Variants in ABLIM1 observed in about 807,000 individuals in gnomAD.
ABLIM1 encodes actin-binding LIM protein 1.
A neutral mutation model predicts 107.0 loss-of-function variants in ABLIM1; 40 were observed. The observed-to-expected ratio is 0.37, with a 90% CI of 0.29 to 0.49. The LOEUF (loss-of-function observed/expected upper bound fraction) is 0.49. Among genes scored for constraint, ABLIM1 ranks in the 20% least tolerant of loss-of-function variants. The probability of loss-of-function intolerance (pLI) is 0.97; values close to 1 mark genes in which losing one functional copy is unlikely to be tolerated. For missense variants in ABLIM1, 857 were observed against 1,008.5 expected, an observed-to-expected ratio of 0.85 and a Z score of 2.04; for synonymous variants, 357 against 357.3, an observed-to-expected ratio of 1.00 and a Z score of 0.01.
chr10:114,522,725 C>T (rs190375352), intron 6 of ABLIM1, among the ~76,000 whole-genome samples: 5 of 152,304 alleles, frequency 3.3e-5, no homozygotes, highest in Admixed American at 2.0e-4. Flanking sequence ...CCAGGCTTGG[C>T]GAATAATAAA....
At chr10:114,642,751 G>C (rs890624040) in intron 1 of ABLIM1, among the ~76,000 whole-genome samples, 1 of 152,164 alleles carries the variant, frequency 6.6e-6, no homozygotes, top group Non-Finnish European at 1.5e-5. Context: ...CCTAGACTAA[G>C]GCTTCGAACT....
chr10:114,651,069 T>C (rs949127818), intron 1 of ABLIM1, among the ~76,000 whole-genome samples: 1 of 152,206 alleles, frequency 6.6e-6, no homozygotes, highest in African/African-American at 2.4e-5. Flanking sequence ...TCTGACCCCA[T>C]AACCCTGAAT....
chr10:114,438,824 G>A (rs1295373499), intron 21 of ABLIM1, among the ~76,000 whole-genome samples: 1 of 152,222 alleles, frequency 6.6e-6, no homozygotes, highest in Non-Finnish European at 1.5e-5. Context: ...TTGAAATGCA[G>A]GGCTTTCAAT....
In ABLIM1 at chr10:114,632,155, GC is replaced by G. The variant is rs1447227942; in HGVS notation, c.244+25801del. On this transcript the variant is annotated intron_variant, in intron 1 of 22. Transcript: ENST00000533213. ...TTCTCCGCCCGCCCGCCGAGCTGCAGCCGCGCCCAGCTCGGGGACTCTGCCC... is the reference window on the plus strand; with the variant it reads ...TTCTCCGCCCGCCCGCCGAGCTGCAGCGCGCCCAGCTCGGGGACTCTGCCC... 3 of 985,410 alleles carry G rather than the reference GC, an allele frequency of 3.0e-6. No homozygotes were observed. The East Asian group carries it at 3.4e-4, about 112-fold the overall frequency. 61.0% of individuals were successfully genotyped at this position (985,410 alleles called of 1,614,324 possible). A position where few individuals can be genotyped will look rare whatever the true frequency, so the allele number is the denominator to read the frequency against.
chr10:114,581,976 C>A (rs2073433896), intron 2 of ABLIM1, among the ~76,000 whole-genome samples: 1 of 152,066 alleles, frequency 6.6e-6, no homozygotes, highest in South Asian at 2.1e-4. Flanking sequence ...AACAAGGATG[C>A]CAACTCTCAC....
intron 1 of ABLIM1, among the ~76,000 whole-genome samples, chr10:114,704,185 T>C (rs1368564132): frequency 6.6e-6 from 1 of 151,294 alleles, no homozygotes; most frequent in East Asian, 1.9e-4. Flanking sequence ...GCCAACATAA[T>C]TTATTTGGCA....
At chr10:114,760,047 G>C (rs1404816377) in intron 1 of ABLIM1, among the ~76,000 whole-genome samples, 2 of 152,044 alleles carry the variant, frequency 1.3e-5, no homozygotes, top group East Asian at 3.9e-4. Context: ...AATCTTTACT[G>C]CAGAGGGCTC....
chr10:114,551,129 G>A (rs887276048), intron 4 of ABLIM1, among the ~76,000 whole-genome samples: 5 of 152,206 alleles, frequency 3.3e-5, no homozygotes, highest in African/African-American at 9.6e-5. Flanking sequence ...TCTGTAAAAT[G>A]CGGACAACAG....
Position 114,473,206 on chromosome 10 carries a change from CTGT to C in ABLIM1, c.1120-77_1120-75del, listed in dbSNP as rs896508851. ...TAGGAAACTGTAGTTGGCGCATTTC[CTGT>C]TGTTTAAAAAGTGAAGGCCTTAAAA... On this transcript the variant is annotated intron_variant, in intron 9 of 22. Transcript: ENST00000533213. The C allele has an allele frequency of 6.2e-6, 9 of 1,454,882 alleles. No homozygotes were observed. The African/African-American group carries it at 1.1e-4, about 18-fold the overall frequency. 90.1% of individuals were successfully genotyped at this position (1,454,882 alleles called of 1,614,324 possible). A position where few individuals can be genotyped will look rare whatever the true frequency, so the allele number is the denominator to read the frequency against.
chr10:114,548,634 C>A (rs1214701911), intron 4 of ABLIM1, among the ~76,000 whole-genome samples: 1 of 152,222 alleles, frequency 6.6e-6, no homozygotes, highest in African/African-American at 2.4e-5. Flanking sequence ...CATAATTAAT[C>A]TGATTATCGA....
intron 6 of ABLIM1, among the ~76,000 whole-genome samples, chr10:114,507,731 A>G (rs1161209977): frequency 6.6e-6 from 1 of 152,168 alleles, no homozygotes; most frequent in African/African-American, 2.4e-5. Context: ...GACTCAAGGG[A>G]GACAGCCCAA....
chr10:114,761,848 C>T (rs2082753012), intron 1 of ABLIM1, among the ~76,000 whole-genome samples: 1 of 152,138 alleles, frequency 6.6e-6, no homozygotes, highest in East Asian at 1.9e-4. Context: ...TCTTTTTTAC[C>T]TGGCTAAGTC....
intron 6 of ABLIM1, among the ~76,000 whole-genome samples, chr10:114,497,465 G>C (rs1399582853): frequency 6.6e-6 from 1 of 151,508 alleles, no homozygotes; most frequent in Non-Finnish European, 1.5e-5. Flanking sequence ...AGATCACGAG[G>C]TCAGGAGATC....
chr10:114,658,398 T>A (rs1591760352), upstream of ABLIM1: 1 of 1,041,004 alleles, frequency 9.6e-7, no homozygotes, highest in Non-Finnish European at 1.3e-6. Flanking sequence ...TGACTAGGTA[T>A]AAAAACAGCC....
At chr10:114,767,781 C>T (rs560858650) in intron 1 of ABLIM1, among the ~76,000 whole-genome samples, 1 of 152,196 alleles carries the variant, frequency 6.6e-6, no homozygotes, top group Non-Finnish European at 1.5e-5. Context: ...GGGCAGCCAG[C>T]GCGAGCCCAT....
At chr10:114,507,451 A>G (rs907456142) in intron 6 of ABLIM1, among the ~76,000 whole-genome samples, 6 of 152,236 alleles carry the variant, frequency 3.9e-5, no homozygotes, top group Non-Finnish European at 8.8e-5. Flanking sequence ...CCTTTGGATG[A>G]CAACCAAAGA....
At chr10:114,539,338 A>G (rs1271600603) in intron 6 of ABLIM1, among the ~76,000 whole-genome samples, 1 of 151,960 alleles carries the variant, frequency 6.6e-6, no homozygotes, top group African/African-American at 2.4e-5. Context: ...AGCCTGGGCA[A>G]CAAAGCAAGA....
chr10:114,566,228 G>A (rs1019235866), intron 4 of ABLIM1, among the ~76,000 whole-genome samples: 1 of 152,178 alleles, frequency 6.6e-6, no homozygotes, highest in Admixed American at 6.5e-5. Flanking sequence ...TTGTGTGGGT[G>A]TTCATCTTGT....
At chr10:114,663,042 C>T (rs905109100), upstream of ABLIM1, among the ~76,000 whole-genome samples, 1 of 152,238 alleles carries the variant, frequency 6.6e-6, no homozygotes, top group African/African-American at 2.4e-5. Flanking sequence ...GCTGCCCACA[C>T]ATCACAATCC....
Sources: gnomAD v4.1 joint callset for allele counts (sites outside exome capture counted in the v4.1 genomes callset) on GRCh38, gnomAD v4.1.1 for gene constraint, MANE v1.5 for transcripts, NCBI Gene and HGNC (gene_info 2026-07-23, HGNC 2026-07-21) for gene names.